ALDH5A1: variants seen among roughly 807,000 people sequenced by gnomAD.
ALDH5A1 encodes succinate-semialdehyde dehydrogenase, mitochondrial.
Under a neutral mutation model 54.7 loss-of-function variants are expected in ALDH5A1, and 33 were observed. That is an observed-to-expected ratio of 0.60 (90% CI 0.46 to 0.81). The LOEUF is 0.81. Among genes scored for constraint, ALDH5A1 ranks in the 30% least tolerant of loss-of-function variants. The pLI is 0.00. For synonymous variants in ALDH5A1, 294 were observed against 292.7 expected (o/e 1.00, Z -0.05); for missense variants, 657 against 711.0 (o/e 0.92, Z 0.86).
chr6:24,524,342 G>T (rs1401083690), intron 7 of ALDH5A1, among the ~76,000 whole-genome samples: 2 of 152,208 alleles, frequency 1.3e-5, no homozygotes, highest in Non-Finnish European at 2.9e-5. Flanking sequence ...TGAAGATTGT[G>T]TGTGGGAAAG....
Position 24,515,161 on chromosome 6 carries a change from T to G in ALDH5A1, c.727-6T>G. The G allele has an allele frequency of 6.2e-7, 1 of 1,612,560 alleles. No homozygotes were observed. The highest frequency in any genetic ancestry group is 8.5e-7 in the Non-Finnish European group (1 of 1,179,344). The stretch of plus-strand genomic sequence containing the variant: ...GTTGGCACATGTTTGCTGTTTCTCT[T>G]TATAGCTTGCAAGCCAGGCTGGGAT... On this transcript the variant is annotated splice_region_variant and splice_polypyrimidine_tract_variant and intron_variant, in intron 4 of 9. Coordinates refer to ENST00000357578, the MANE Select transcript of ALDH5A1 (RefSeq NM_001080.3).
chr6:24,519,302 C>T (rs1759631498), intron 5 of ALDH5A1, among the ~76,000 whole-genome samples: 1 of 152,202 alleles, frequency 6.6e-6, no homozygotes. Flanking sequence ...CAGTGGCTCA[C>T]ACCTGTAATC....
At chr6:24,516,971 C>T (rs941373295) in intron 5 of ALDH5A1, among the ~76,000 whole-genome samples, 1 of 152,024 alleles carries the variant, frequency 6.6e-6, no homozygotes, top group African/African-American at 2.4e-5. Context: ...TTTTGTGCAT[C>T]TATGGTCATT....
intron 1 of ALDH5A1, among the ~76,000 whole-genome samples, chr6:24,496,799 G>A (rs147958157): frequency 0.019 from 2,877 of 152,180 alleles, 66 homozygotes; most frequent in African/African-American, 0.056. Context: ...GATTGGATTG[G>A]GGCCCACCAG....
rs759889701 is a variant in ALDH5A1, at chr6:24,537,152, T to C, written c.*3440T>C. On this transcript the variant is annotated 3_prime_UTR_variant, in exon 10 of 10. Transcript: ENST00000357578. Reference sequence around the variant, plus strand: ...CAATTGTGTGTTTTAGTGTCTAGTCTGCAGAGAGCTGTGTGATTAATAAAC... The same window carrying C: ...CAATTGTGTGTTTTAGTGTCTAGTCCGCAGAGAGCTGTGTGATTAATAAAC... 8 of 152,610 alleles carry C rather than the reference T, an allele frequency of 5.2e-5. No individual in the cohort carries two copies. Among genetic ancestry groups the C allele is most frequent in the African/African-American group, 1.4e-4 (6 of 41,440 alleles). 9.5% of individuals were successfully genotyped at this position (152,610 alleles called of 1,614,324 possible). A position where few individuals can be genotyped will look rare whatever the true frequency, so the allele number is the denominator to read the frequency against.
chr6:24,520,569 ATG>A (rs748794442), intron 6 of ALDH5A1, 25 bp downstream of exon 6: 1 of 1,613,102 alleles, frequency 6.2e-7, no homozygotes, highest in South Asian at 1.1e-5. Context: ...GTATTTCAGG[ATG>A]TGTGTTTGCG....
chr6:24,505,860 C>T (rs1159036341), intron 4 of ALDH5A1, among the ~76,000 whole-genome samples: 3 of 151,982 alleles, frequency 2.0e-5, no homozygotes, highest in African/African-American at 7.2e-5. Flanking sequence ...CCCAGCTACT[C>T]AAGAGGCTGA....
rs757605946 is a variant in ALDH5A1 at position 24,504,951 on chromosome 6, A to G, written c.692A>G (p.Glu231Gly). 5.6e-6 allele frequency: 9 copies of G among 1,614,094 alleles called. No individual in the cohort carries two copies. In the Admixed American group the frequency reaches 8.3e-5, roughly 15 times the overall value. ...TGTACTGTCGTGGTGAAGCCTGCCG[A>G]AGACACGCCCTTCTCCGCCCTGGCC... Reference protein sequence around the residue: ...AGCTVVVKPAEDTPFSALALA... With the variant: ...AGCTVVVKPAGDTPFSALALA... The change falls in exon 4 of 10, where the codon GAA becomes GGA. Residue 231 changes from glutamate (E) to glycine (G), a missense_variant. Physicochemically the swap from Glu to Gly is moderately conservative, Grantham distance 98. Transcript: ENST00000357578.
intron 8 of ALDH5A1, among the ~76,000 whole-genome samples, chr6:24,530,077 T>TC (rs1759899797): frequency 6.6e-6 from 1 of 152,354 alleles, no homozygotes; most frequent in African/African-American, 2.4e-5. Flanking sequence ...CCAAGTAGTC[T>TC]ATTATTGTGA....
chr6:24,528,857 AG>A (rs1759872959), intron 8 of ALDH5A1, among the ~76,000 whole-genome samples: 1 of 150,670 alleles, frequency 6.6e-6, no homozygotes, highest in Non-Finnish European at 1.5e-5. Flanking sequence ...TTTGTAATCT[AG>A]TAGAGATGTG....
chr6:24,512,493 T>C (rs560977438), intron 4 of ALDH5A1, among the ~76,000 whole-genome samples: 26 of 152,330 alleles, frequency 1.7e-4, no homozygotes, highest in African/African-American at 6.3e-4. Flanking sequence ...TCTAATTTGG[T>C]TTTCATTTCT....
intron 8 of ALDH5A1, 141 bp downstream of exon 8, chr6:24,528,307 T>C (rs1759861286): frequency 3.5e-6 from 3 of 847,432 alleles, no homozygotes. Flanking sequence ...CAGAGTGCAA[T>C]TTATGGGTTT....
intron 4 of ALDH5A1, among the ~76,000 whole-genome samples, chr6:24,511,138 T>G (rs996244682): frequency 1.3e-5 from 2 of 152,228 alleles, no homozygotes; most frequent in African/African-American, 4.8e-5. Context: ...TTGAGGAGGC[T>G]GAAGATAGGG....
At chr6:24,532,277 C>T in intron 9 of ALDH5A1, 100 bp downstream of exon 9, 1 of 1,183,946 alleles carries the variant, frequency 8.4e-7, no homozygotes, top group Non-Finnish European at 1.2e-6. Flanking sequence ...GAGACAGAAA[C>T]TTCAATGAGG....
intron 4 of ALDH5A1, among the ~76,000 whole-genome samples, chr6:24,513,214 C>G (rs1465468616): frequency 6.6e-6 from 1 of 152,100 alleles, no homozygotes; most frequent in East Asian, 1.9e-4. Context: ...TGTGCACCAC[C>G]ATACCCAGCT....
chr6:24,499,689 C>G (rs1177981049), intron 1 of ALDH5A1, among the ~76,000 whole-genome samples: 1 of 136,382 alleles, frequency 7.3e-6, no homozygotes, highest in Non-Finnish European at 1.6e-5. Flanking sequence ...TTTTTTGAGA[C>G]GGAGTCTCGC....
intron 1 of ALDH5A1, among the ~76,000 whole-genome samples, chr6:24,498,532 T>C (rs998950880): frequency 1.3e-5 from 2 of 152,208 alleles, no homozygotes; most frequent in Non-Finnish European, 2.9e-5. Flanking sequence ...TGTTGGGACC[T>C]CTTGCTGACA....
At chr6:24,527,532 A>G (rs1394212855) in intron 7 of ALDH5A1, among the ~76,000 whole-genome samples, 5 of 152,186 alleles carry the variant, frequency 3.3e-5, no homozygotes. Flanking sequence ...AGGTCATGCC[A>G]CTGCACTCCA....
chr6:24,496,436 G>A (rs1764706945), intron 1 of ALDH5A1, among the ~76,000 whole-genome samples: 1 of 152,238 alleles, frequency 6.6e-6, no homozygotes, highest in African/African-American at 2.4e-5. Flanking sequence ...AGTGTGACCA[G>A]GCATATTCCT....
Sources: gnomAD v4.1 joint callset for allele counts (sites outside exome capture counted in the v4.1 genomes callset) on GRCh38, gnomAD v4.1.1 for gene constraint, MANE v1.5 for transcripts, NCBI Gene and HGNC (gene_info 2026-07-23, HGNC 2026-07-21) for gene names.